The following FLNB variants were observed in gnomAD, a reference collection of about 807,000 sequenced individuals.
The protein encoded by FLNB is filamin-B.
FLNB carries 111 observed loss-of-function variants against 250.6 expected under a neutral mutation model. The observed-to-expected ratio is 0.44, with a 90% CI of 0.38 to 0.52. The LOEUF (loss-of-function observed/expected upper bound fraction) is 0.52, where lower values mean the gene tolerates loss of function less well. FLNB is among the 20% of genes least tolerant of loss of function. The pLI is 0.00. For synonymous variants in FLNB, 1,302 were observed against 1,372.1 expected (o/e 0.95, Z 1.13); for missense variants, 2,869 against 3,447.8 (o/e 0.83, Z 4.20).
At chr3:58,078,565 C>T in intron 2 of FLNB, 152 bp from the exon 3 acceptor site, 1 of 1,530,852 alleles carries the variant, frequency 6.5e-7, no homozygotes, top group Non-Finnish European at 8.8e-7. Context: ...ACCTGTGATA[C>T]TTTTTGCCTA....
intron 4 of FLNB, among the ~76,000 whole-genome samples, chr3:58,088,127 C>T (rs143189985): frequency 3.4e-5 from 5 of 146,818 alleles, no homozygotes; most frequent in Non-Finnish European, 6.0e-5. Flanking sequence ...CTGCAACCCC[C>T]GCCTCTGCCT....
intron 45 of FLNB, 67 bp from the exon 46 acceptor site, chr3:58,170,508 A>G (rs562026447): frequency 2.6e-6 from 4 of 1,518,300 alleles, no homozygotes; most frequent in African/African-American, 2.7e-5. Flanking sequence ...TTTGGCTCTC[A>G]TATTTCCTCT....
At chr3:58,154,585 A>G (rs1194571110) in intron 39 of FLNB, 12 of 562,842 alleles carry the variant, frequency 2.1e-5, no homozygotes, top group Middle Eastern at 4.8e-4. Flanking sequence ...AGGACTCCAG[A>G]TGTCCTGTGA....
At chr3:58,163,352 T>G in intron 43 of FLNB, 22 bp downstream of exon 43, 1 of 1,612,756 alleles carries the variant, frequency 6.2e-7, no homozygotes, top group Non-Finnish European at 8.5e-7. Flanking sequence ...TTCTGCTTCT[T>G]GAAGCCTTAA....
intron 24 of FLNB, among the ~76,000 whole-genome samples, chr3:58,129,694 A>C (rs1427796288): frequency 6.6e-6 from 1 of 152,178 alleles, no homozygotes; most frequent in Admixed American, 6.5e-5. Context: ...CAAAGTATAA[A>C]TTCTCTGGGA....
intron 41 of FLNB, 135 bp from the exon 42 acceptor site, chr3:58,159,419 C>A: frequency 2.4e-6 from 2 of 847,844 alleles, no homozygotes; most frequent in Admixed American, 1.8e-5. Flanking sequence ...GGCTCACCTG[C>A]CCTTTGTTGT....
chr3:58,105,343 C>A, intron 11 of FLNB, 127 bp downstream of exon 11: 1 of 1,164,574 alleles, frequency 8.6e-7, no homozygotes, highest in Non-Finnish European at 1.3e-6. Context: ...CTCCTGGCCA[C>A]CCTAAGCCAT....
At chr3:58,014,052 G>T (rs1180216528) in intron 1 of FLNB, among the ~76,000 whole-genome samples, 2 of 152,170 alleles carry the variant, frequency 1.3e-5, no homozygotes, top group Non-Finnish European at 2.9e-5. Context: ...CTGTTATAAA[G>T]ATTAAACAAG....
intron 11 of FLNB, among the ~76,000 whole-genome samples, chr3:58,106,429 T>C (rs2097259779): frequency 1.4e-5 from 2 of 147,756 alleles, no homozygotes; most frequent in Admixed American, 1.4e-4. Flanking sequence ...AGTGCTGGGA[T>C]GACAGGTGTG....
intron 41 of FLNB, among the ~76,000 whole-genome samples, chr3:58,156,976 C>T (rs1167591612): frequency 1.3e-5 from 2 of 152,196 alleles, no homozygotes; most frequent in African/African-American, 2.4e-5. Flanking sequence ...GGATTACAGA[C>T]GTGAGCCACT....
At chr3:58,064,668 C>T (rs893666008) in intron 1 of FLNB, among the ~76,000 whole-genome samples, 7 of 152,030 alleles carry the variant, frequency 4.6e-5, no homozygotes, top group African/African-American at 1.2e-4. Context: ...CCAAGCAGTG[C>T]GGCATGCATA....
chr3:58,078,532 A>G, intron 2 of FLNB, 185 bp from the exon 3 acceptor site: 1 of 1,536,426 alleles, frequency 6.5e-7, no homozygotes, highest in Non-Finnish European at 8.7e-7. Context: ...AATGGAGGAT[A>G]GTTTACACCC....
intron 3 of FLNB, among the ~76,000 whole-genome samples, 164 bp downstream of exon 3, chr3:58,078,978 G>A (rs1195726615): frequency 6.6e-6 from 1 of 152,150 alleles, no homozygotes; most frequent in African/African-American, 2.4e-5. Context: ...AATAATAGTA[G>A]GTTCTCATTG....
At chr3:58,108,312 T>G in intron 12 of FLNB, 146 bp from the exon 13 acceptor site, 1 of 685,026 alleles carries the variant, frequency 1.5e-6, no homozygotes, top group South Asian at 1.5e-5. Flanking sequence ...AGCACTTTAC[T>G]TCCCATAACC....
intron 1 of FLNB, among the ~76,000 whole-genome samples, chr3:58,009,205 C>T (rs2097094705): frequency 6.6e-6 from 1 of 152,186 alleles, no homozygotes. Flanking sequence ...CGTTCGCTGT[C>T]CCCGGGGGCG....
chr3:58,112,681 A>G (rs866895591), intron 18 of FLNB, among the ~76,000 whole-genome samples: 120 of 152,350 alleles, frequency 7.9e-4, no homozygotes, highest in African/African-American at 2.8e-3. Flanking sequence ...ACACACGTGC[A>G]TTCCCTCGCG....
chr3:58,042,311 T>C (rs567261748), intron 1 of FLNB, among the ~76,000 whole-genome samples: 7 of 152,124 alleles, frequency 4.6e-5, no homozygotes, highest in Middle Eastern at 3.4e-3. Flanking sequence ...TTTGTTGTTA[T>C]TTATTTACCT....
At chr3:58,152,567 A>T (rs934083090) in intron 38 of FLNB, 3 of 243,710 alleles carry the variant, frequency 1.2e-5, no homozygotes, top group African/African-American at 6.7e-5. Flanking sequence ...TCTAATCCTA[A>T]TTGCCTCCTC....
intron 18 of FLNB, among the ~76,000 whole-genome samples, chr3:58,117,667 T>C (rs1221606766): frequency 2.6e-5 from 4 of 152,200 alleles, no homozygotes; most frequent in Admixed American, 2.6e-4. Context: ...CCCAGCTCTG[T>C]TGAATTTGAC....
Sources: allele counts gnomAD v4.1 joint callset (sites outside exome capture counted in the v4.1 genomes callset), GRCh38; gene constraint gnomAD v4.1.1; transcripts MANE v1.5; gene names NCBI Gene and HGNC (gene_info 2026-07-23, HGNC 2026-07-21).